Variants in CAPN13 observed in about 807,000 individuals in gnomAD.
The protein encoded by CAPN13 is calpain-13.
Under a neutral mutation model 98.4 loss-of-function variants are expected in CAPN13, and 90 were observed. The ratio of observed to expected loss-of-function variants is 0.92; its 90% CI spans 0.77 to 1.09. CAPN13 has a LOEUF of 1.09. CAPN13 is among the 50% of genes least tolerant of loss of function. The pLI is 0.00. For missense variants in CAPN13, 887 were observed against 841.3 expected (o/e 1.05, Z -0.67); for synonymous variants, 330 against 305.5 (o/e 1.08, Z -0.84).
intron 2 of CAPN13, among the ~76,000 whole-genome samples, chr2:30,780,366 T>A (rs1673922629): frequency 6.6e-6 from 1 of 152,274 alleles, no homozygotes; most frequent in Non-Finnish European, 1.5e-5. Context: ...GATAATTTGT[T>A]ATCATCGTAT....
chr2:30,776,624 C>A (rs1673710553), intron 3 of CAPN13, among the ~76,000 whole-genome samples: 1 of 152,168 alleles, frequency 6.6e-6, no homozygotes, highest in Non-Finnish European at 1.5e-5. Flanking sequence ...CTCAGCCCGT[C>A]CCTGTGCAGA....
Position 30,775,939 on chromosome 2 carries a change from GA to G in CAPN13, c.377del (p.Phe126SerfsTer15), listed in dbSNP as rs1383756825. ...QSFSHQYAGI[F>X]RFRFWQCGQW... Reference sequence around the variant, plus strand: ...GCAAGGGCACACGTACCCGGAAACGGAAAATGCCAGCATACTGGTGTGAAAA... The same window carrying G: ...GCAAGGGCACACGTACCCGGAAACGGAAATGCCAGCATACTGGTGTGAAAA... On this transcript the variant is annotated frameshift_variant, in exon 4 of 23. Transcript: ENST00000295055. LOFTEE classifies it high-confidence loss of function. The G allele has an allele frequency of 3.1e-6, 5 of 1,608,002 alleles. No individual in the cohort carries two copies. Among genetic ancestry groups the G allele is most frequent in the Non-Finnish European group, 3.4e-6 (4 of 1,176,732 alleles).
intron 1 of CAPN13, among the ~76,000 whole-genome samples, chr2:30,795,457 G>A (rs982258136): frequency 1.3e-5 from 2 of 152,042 alleles, no homozygotes; most frequent in Admixed American, 6.5e-5. Flanking sequence ...TACCCATCAC[G>A]TGGGAGTAGG....
chr2:30,740,634 C>T (rs1184000587), intron 15 of CAPN13, among the ~76,000 whole-genome samples: 4 of 152,258 alleles, frequency 2.6e-5, no homozygotes, highest in Admixed American at 2.0e-4. Context: ...GGCAGAATGC[C>T]ACACTGGGGT....
intron 20 of CAPN13, 130 bp downstream of exon 20, chr2:30,732,306 TCA>T: frequency 8.9e-7 from 1 of 1,127,864 alleles, no homozygotes; most frequent in Non-Finnish European, 1.3e-6. Flanking sequence ...GGTTGGCACC[TCA>T]CACAGGCTGC....
rs533246989 is a variant in CAPN13 at position 30,806,649 on chromosome 2, G to C, written c.-33+653C>G. Among the ~76,000 whole-genome samples, 124 of 152,288 alleles carry C rather than the reference G, an allele frequency of 8.1e-4. 1 individual carries two copies. The highest frequency in any genetic ancestry group is 2.9e-3 in the African/African-American group (119 of 41,564). ...AACTTGGGTCCAAGCTGAGCAGCTG[G>C]AACTGTCTCCCTGAGAACAGCATCA... On this transcript the variant is annotated intron_variant, in intron 1 of 22. Coordinates refer to ENST00000295055, the MANE Select transcript of CAPN13 (RefSeq NM_144575.3).
chr2:30,725,029 A>C (rs1433794269), intron 22 of CAPN13, among the ~76,000 whole-genome samples: 1 of 152,202 alleles, frequency 6.6e-6, no homozygotes, highest in Non-Finnish European at 1.5e-5. Context: ...AAATTGTTAT[A>C]AATGACAATT....
chr2:30,744,349 C>G (rs932027460), intron 12 of CAPN13, among the ~76,000 whole-genome samples: 5 of 152,194 alleles, frequency 3.3e-5, no homozygotes, highest in Non-Finnish European at 7.3e-5. Context: ...AGATAGGCCA[C>G]TGCCCCAGGG....
chr2:30,787,923 C>T (rs192827324), intron 1 of CAPN13, among the ~76,000 whole-genome samples: 1 of 152,098 alleles, frequency 6.6e-6, no homozygotes, highest in Non-Finnish European at 1.5e-5. Flanking sequence ...TAGGAGCAAT[C>T]TGGGGACCAG....
intron 1 of CAPN13, among the ~76,000 whole-genome samples, chr2:30,789,294 A>T (rs1674487712): frequency 6.6e-6 from 1 of 152,174 alleles, no homozygotes; most frequent in African/African-American, 2.4e-5. Flanking sequence ...ATGCTCGGGG[A>T]CAGTGGAACC....
At chr2:30,751,003 TG>T in intron 11 of CAPN13, 99 bp downstream of exon 11, 1 of 1,320,708 alleles carries the variant, frequency 7.6e-7, no homozygotes, top group Non-Finnish European at 1.1e-6. Flanking sequence ...TCCAAGGCTG[TG>T]GTGCAGTCAA....
intron 13 of CAPN13, among the ~76,000 whole-genome samples, chr2:30,742,989 C>T (rs1405644402): frequency 1.3e-5 from 2 of 152,224 alleles, no homozygotes; most frequent in Non-Finnish European, 2.9e-5. Context: ...ACAGCCACTT[C>T]CCTCCCGCCA....
chr2:30,785,459 T>C (rs1402229326), intron 2 of CAPN13, among the ~76,000 whole-genome samples: 2 of 152,136 alleles, frequency 1.3e-5, no homozygotes, highest in East Asian at 3.8e-4. Flanking sequence ...AATACCCCTG[T>C]CCCCAGTCCC....
intron 3 of CAPN13, 142 bp from the exon 4 acceptor site, chr2:30,776,187 G>C (rs180702649): frequency 1.8e-6 from 1 of 558,650 alleles, no homozygotes; most frequent in Non-Finnish European, 3.1e-6. Context: ...AGGAGAACCG[G>C]GGGAGGGAGT....
At chr2:30,753,001 C>A in intron 10 of CAPN13, 52 bp downstream of exon 10, 20 of 1,604,076 alleles carry the variant, frequency 1.2e-5, no homozygotes, top group Non-Finnish European at 1.7e-5. Context: ...AAGGGCTGGG[C>A]TGGGGCAGCC....
intron 11 of CAPN13, among the ~76,000 whole-genome samples, chr2:30,749,843 C>A (rs1477717818): frequency 6.6e-6 from 1 of 152,092 alleles, no homozygotes; most frequent in African/African-American, 2.4e-5. Flanking sequence ...TTGGGGGATG[C>A]AGTGAATTGT....
intron 5 of CAPN13, among the ~76,000 whole-genome samples, chr2:30,765,800 A>T (rs148196911): frequency 2.5e-4 from 38 of 152,352 alleles, no homozygotes; most frequent in Non-Finnish European, 5.0e-4. Context: ...TTATTAAAGA[A>T]AGCTGAGGAT....
chr2:30,773,742 A>G (rs1442635624), intron 4 of CAPN13, among the ~76,000 whole-genome samples: 1 of 152,216 alleles, frequency 6.6e-6, no homozygotes, highest in Admixed American at 6.5e-5. Context: ...TCTCCAAACA[A>G]TAACTATGGG....
intron 15 of CAPN13, chr2:30,741,278 T>C (rs1384227958): frequency 3.1e-5 from 21 of 667,670 alleles, no homozygotes; most frequent in Non-Finnish European, 3.7e-5. Context: ...AGGCAGGGCC[T>C]GCCATCCTTC....
Sources: allele counts gnomAD v4.1 joint callset (sites outside exome capture counted in the v4.1 genomes callset), GRCh38; gene constraint gnomAD v4.1.1; transcripts MANE v1.5; gene names NCBI Gene and HGNC (gene_info 2026-07-23, HGNC 2026-07-21).